The following KLHL6 variants were observed in gnomAD, a reference collection of about 807,000 sequenced individuals.
KLHL6 encodes the protein kelch-like protein 6.
A neutral mutation model predicts 58.6 loss-of-function variants in KLHL6; 41 were observed. The ratio of observed to expected loss-of-function variants is 0.70; its 90% CI spans 0.55 to 0.91. KLHL6 has a LOEUF of 0.91. Among genes scored for constraint, KLHL6 ranks in the 40% least tolerant of loss-of-function variants. The probability of loss-of-function intolerance (pLI) is 0.00; values close to 1 mark genes in which losing one functional copy is unlikely to be tolerated. For missense variants in KLHL6, 714 were observed against 805.6 expected (o/e 0.89, Z 1.38); for synonymous variants, 338 against 322.7 (o/e 1.05, Z -0.51).
intron 4 of KLHL6, among the ~76,000 whole-genome samples, chr3:183,496,853 G>A (rs1431962230): frequency 6.6e-6 from 1 of 152,214 alleles, no homozygotes; most frequent in African/African-American, 2.4e-5. Flanking sequence ...AGAATAACAT[G>A]TGGGCTGGGC....
At chr3:183,539,347 A>G (rs931428630) in intron 1 of KLHL6, among the ~76,000 whole-genome samples, 3 of 152,048 alleles carry the variant, frequency 2.0e-5, no homozygotes, top group Non-Finnish European at 2.9e-5. Flanking sequence ...TTTGCTCCAA[A>G]CTGACAGAGG....
At chr3:183,536,813 C>T (rs531735085) in intron 1 of KLHL6, among the ~76,000 whole-genome samples, 3 of 152,234 alleles carry the variant, frequency 2.0e-5, no homozygotes, top group South Asian at 2.1e-4. Context: ...TGGCCGGGTG[C>T]GTATCAGGTA....
chr3:183,533,244 T>A (rs140043923), intron 1 of KLHL6, among the ~76,000 whole-genome samples: 1 of 152,026 alleles, frequency 6.6e-6, no homozygotes, highest in African/African-American at 2.4e-5. Flanking sequence ...TGGAAATCAA[T>A]CATCAGTTCT....
At chr3:183,551,248 A>G (rs183641583) in intron 1 of KLHL6, among the ~76,000 whole-genome samples, 1 of 152,294 alleles carries the variant, frequency 6.6e-6, no homozygotes, top group Admixed American at 6.5e-5. Context: ...AGAAGGCTCC[A>G]TTCAACATAG....
intron 2 of KLHL6, among the ~76,000 whole-genome samples, chr3:183,512,204 T>C (rs1436725168): frequency 6.6e-6 from 1 of 152,166 alleles, no homozygotes; most frequent in East Asian, 1.9e-4. Context: ...ACTTAAATGG[T>C]AGCCCCCAGT....
At chr3:183,493,371 T>C (rs559579930) in intron 5 of KLHL6, 1 of 155,010 alleles carries the variant, frequency 6.5e-6, no homozygotes, top group Admixed American at 6.4e-5. Flanking sequence ...GGGCTCTCAA[T>C]ATAGCACTTT....
chr3:183,490,986 T>C lies in KLHL6; in HGVS notation c.*941A>G, dbSNP rs1717534084. On this transcript the variant is annotated 3_prime_UTR_variant, in exon 7 of 7. Transcript: ENST00000341319. ...GGTAAAGGGCGGGGACGAGGGAGGA[T>C]GCAGAATAAGAAAGAAAAGGAAAGA... 6.6e-6 allele frequency: 1 copy of C among 152,196 alleles called. No homozygotes were observed. Among genetic ancestry groups the C allele is most frequent in the Admixed American group, 6.5e-5 (1 of 15,276 alleles). 9.4% of individuals were successfully genotyped at this position (152,196 alleles called of 1,614,324 possible).
chr3:183,511,512 G>A (rs1718185001), intron 2 of KLHL6, among the ~76,000 whole-genome samples: 1 of 152,162 alleles, frequency 6.6e-6, no homozygotes, highest in Non-Finnish European at 1.5e-5. Flanking sequence ...ACGGGTGTCG[G>A]GCTGGGGGAT....
At chr3:183,498,373 C>A (rs778812736) in intron 4 of KLHL6, among the ~76,000 whole-genome samples, 44 of 152,342 alleles carry the variant, frequency 2.9e-4, no homozygotes, top group Non-Finnish European at 5.4e-4. Flanking sequence ...GCTTTCCCCA[C>A]AAGTTCAGAT....
intron 1 of KLHL6, among the ~76,000 whole-genome samples, chr3:183,547,487 T>A (rs185289658): frequency 2.6e-4 from 39 of 152,334 alleles, no homozygotes; most frequent in Non-Finnish European, 1.3e-4. Flanking sequence ...ATTTTGCATC[T>A]TGCTTTGCCC....
At chr3:183,500,206 G>A (rs538374339) in intron 3 of KLHL6, among the ~76,000 whole-genome samples, 5 of 152,080 alleles carry the variant, frequency 3.3e-5, no homozygotes, top group East Asian at 3.9e-4. Context: ...TTTATTTGGC[G>A]CTACTTTCCA....
intron 1 of KLHL6, among the ~76,000 whole-genome samples, chr3:183,552,900 C>T (rs1159435529): frequency 2.0e-5 from 3 of 152,056 alleles, no homozygotes; most frequent in Non-Finnish European, 4.4e-5. Flanking sequence ...TGCTGTGACA[C>T]TCTGGACTTT....
intron 1 of KLHL6, among the ~76,000 whole-genome samples, chr3:183,538,415 C>T (rs1428120622): frequency 6.6e-6 from 1 of 152,184 alleles, no homozygotes; most frequent in Admixed American, 6.5e-5. Flanking sequence ...TCTGTCCTTC[C>T]TCTTATTTCT....
chr3:183,502,856 G>A (rs1322751964), intron 3 of KLHL6, among the ~76,000 whole-genome samples: 1 of 152,264 alleles, frequency 6.6e-6, no homozygotes, highest in African/African-American at 2.4e-5. Context: ...TTCAGTTTGG[G>A]GGTAATTTGT....
chr3:183,491,836 A>G lies in KLHL6; in HGVS notation c.*91T>C. 8.3e-7 allele frequency: 1 copy of G among 1,205,084 alleles called. No homozygotes were observed. Among genetic ancestry groups the G allele is most frequent in the Non-Finnish European group, 1.1e-6 (1 of 897,540 alleles). 74.6% of individuals were successfully genotyped at this position (1,205,084 alleles called of 1,614,324 possible). Reference sequence around the variant, plus strand: ...CCCCTGATGTATGGCCTCAAACTCGAGCCTGCTGCCTGAAGTGGGACTGGA... The same window carrying G: ...CCCCTGATGTATGGCCTCAAACTCGGGCCTGCTGCCTGAAGTGGGACTGGA... On this transcript the variant is annotated 3_prime_UTR_variant, in exon 7 of 7. Coordinates refer to ENST00000341319, the MANE Select transcript of KLHL6 (RefSeq NM_130446.4).
chr3:183,505,039 A>T (rs1433828266), intron 3 of KLHL6, among the ~76,000 whole-genome samples: 1 of 152,202 alleles, frequency 6.6e-6, no homozygotes, highest in Non-Finnish European at 1.5e-5. Flanking sequence ...ACATGATTGC[A>T]TTCTTTTCTA....
At chr3:183,509,286 G>T (rs1265615290) in intron 2 of KLHL6, among the ~76,000 whole-genome samples, 1 of 152,166 alleles carries the variant, frequency 6.6e-6, no homozygotes, top group Non-Finnish European at 1.5e-5. Flanking sequence ...CATTTTAGGT[G>T]CCATAATGGT....
chr3:183,503,253 G>A (rs1422073704), intron 3 of KLHL6, among the ~76,000 whole-genome samples: 1 of 152,244 alleles, frequency 6.6e-6, no homozygotes, highest in Non-Finnish European at 1.5e-5. Flanking sequence ...TGGAGCCTCT[G>A]CTCCCCTTTC....
chr3:183,507,798 A>G (rs1718051788), intron 3 of KLHL6, among the ~76,000 whole-genome samples: 1 of 152,136 alleles, frequency 6.6e-6, no homozygotes. Context: ...ACAACTGGGA[A>G]GAGGAAGCAC....
Sources: allele counts gnomAD v4.1 joint callset (sites outside exome capture counted in the v4.1 genomes callset), GRCh38; gene constraint gnomAD v4.1.1; transcripts MANE v1.5; gene names NCBI Gene and HGNC (gene_info 2026-07-23, HGNC 2026-07-21).